The following CHD5 variants were observed in gnomAD, a reference collection of about 807,000 sequenced individuals.
The protein encoded by CHD5 is ATP-dependent chromatin remodeler CHD5.
CHD5 carries 69 observed loss-of-function variants against 230.3 expected under a neutral mutation model. That is an observed-to-expected ratio of 0.30 (90% CI 0.25 to 0.37). The LOEUF is 0.37. CHD5 is among the 10% of genes least tolerant of loss of function. CHD5 has a pLI of 1.00. For missense variants in CHD5, 1,827 were observed against 2,622.8 expected, an observed-to-expected ratio of 0.70 and a Z score of 6.63; for synonymous variants, 1,064 against 1,065.9, an observed-to-expected ratio of 1.00 and a Z score of 0.03.
At position 6,121,601 on chromosome 1, in the gene CHD5, C is replaced by T. The variant is rs770080174; in HGVS notation, c.4700-28G>A. On this transcript the variant is annotated intron_variant, in intron 31 of 41. Transcript: ENST00000262450. The surrounding 1 kb of genome is among the most constrained non-coding windows in gnomAD (Gnocchi z 4.5). ...GAAAGATCAAGGGAAAGAGCTGAGACAGGTGGGCTCAGACGGGAAGGAGTA... is the reference window on the plus strand; with the variant it reads ...GAAAGATCAAGGGAAAGAGCTGAGATAGGTGGGCTCAGACGGGAAGGAGTA... 6.4e-7 allele frequency: 1 copy of T among 1,568,030 alleles called. No individual in the cohort carries two copies. The highest frequency in any genetic ancestry group is 1.7e-5 in the Admixed American group (1 of 58,436).
chr1:6,162,912 C>A (rs1304174000), intron 2 of CHD5, among the ~76,000 whole-genome samples: 1 of 152,156 alleles, frequency 6.6e-6, no homozygotes, highest in African/African-American at 2.4e-5. Flanking sequence ...GGCAAGCAGT[C>A]CCCTCGGCGA....
intron 15 of CHD5, among the ~76,000 whole-genome samples, chr1:6,139,987 C>T (rs72632524): frequency 0.068 from 10,362 of 152,208 alleles, 491 homozygotes; most frequent in South Asian, 0.14. Flanking sequence ...TGGAGGAGGC[C>T]GACCTGAGGG....
intron 30 of CHD5, 126 bp downstream of exon 30, chr1:6,124,391 A>C (rs1285409717): frequency 7.1e-6 from 8 of 1,124,300 alleles, no homozygotes; most frequent in Non-Finnish European, 1.1e-5. Context: ...CTCTGGAGTG[A>C]CTCGGACCCT....
chr1:6,172,698 C>T (rs1037070510), intron 1 of CHD5, among the ~76,000 whole-genome samples: 4 of 152,140 alleles, frequency 2.6e-5, no homozygotes, highest in Admixed American at 2.6e-4. Context: ...TCGGTGGATG[C>T]CCTGGGGACA....
rs3810992 is a variant in CHD5, at chr1:6,102,541, T to C, written c.*2933A>G. 0.084 allele frequency: 12,747 copies of C among 152,346 alleles called. 801 individuals are homozygous for C. The highest frequency in any genetic ancestry group is 0.26 in the East Asian group (1,351 of 5,152). 9.4% of individuals were successfully genotyped at this position (152,346 alleles called of 1,614,324 possible). A position where few individuals can be genotyped will look rare whatever the true frequency, so the allele number is the denominator to read the frequency against. ...AGTGACCGACACTTGACCAAGTCCA[T>C]CTGGCTTCTGGCTCCCATGTACCCG... On this transcript the variant is annotated 3_prime_UTR_variant, in exon 42 of 42. Transcript: ENST00000262450.
chr1:6,142,404 G>A lies in CHD5; in HGVS notation c.2235+10C>T, dbSNP rs200896752. ...GCCACCCCTCCTGGCCGCCTGCCCCGCCTGCCCACCTCCTTGTAGAGGGAG... is the reference window on the plus strand; with the variant it reads ...GCCACCCCTCCTGGCCGCCTGCCCCACCTGCCCACCTCCTTGTAGAGGGAG... On this transcript the variant is annotated intron_variant, in intron 14 of 41. Coordinates refer to ENST00000262450, the MANE Select transcript of CHD5 (RefSeq NM_015557.3). This position sits in a 1 kb window ranked among gnomAD's most constrained non-coding sequence, Gnocchi z 5.2. 2.1e-4 allele frequency: 336 copies of A among 1,600,432 alleles called. No individual in the cohort carries two copies. The highest frequency in any genetic ancestry group is 3.6e-4 in the East Asian group (16 of 44,528).
chr1:6,148,694 T>C (rs12129474), intron 9 of CHD5, among the ~76,000 whole-genome samples, 160 bp downstream of exon 9: 55,307 of 151,616 alleles, frequency 0.36, 11,001 homozygotes, highest in East Asian at 0.67. Flanking sequence ...GTGGACGGGG[T>C]CTCGAGCAGC....
intron 33 of CHD5, among the ~76,000 whole-genome samples, chr1:6,115,050 C>T (rs941478322): frequency 5.3e-4 from 81 of 151,582 alleles, no homozygotes; most frequent in African/African-American, 1.3e-3. Flanking sequence ...CGGTGGCTCA[C>T]GCCTGTAATC....
chr1:6,128,983 G>A lies in CHD5; in HGVS notation c.3474C>T (p.Ile1158=). ...TCATCTTGCGCTTGGCCACCTGCGT[G>A]ATGCGCTCCTCCACCGAGGCCCGAG... ...FVTRASVEER[I]TQVAKRKMML... Residue 1158 remains isoleucine (I), a synonymous_variant, in exon 23 of 42, where the codon ATC becomes ATT. Coordinates refer to ENST00000262450, the MANE Select transcript of CHD5 (RefSeq NM_015557.3). This position sits in a 1 kb window ranked among gnomAD's most constrained non-coding sequence, Gnocchi z 7.8. The A allele has an allele frequency of 6.2e-7, 1 of 1,612,444 alleles. No homozygotes were observed. The highest frequency in any genetic ancestry group is 1.1e-5 in the South Asian group (1 of 91,076).
At position 6,155,596 on chromosome 1, in the gene CHD5, C is replaced by T. The variant is rs1667068332; in HGVS notation, c.506+3G>A. 1.9e-6 allele frequency: 3 copies of T among 1,611,542 alleles called. No individual in the cohort carries two copies. The South Asian group carries it at 3.3e-5, about 18-fold the overall frequency. ...TGGAGAACAGCCCTAGTGCCCCGCC[C>T]ACCTGAGGAACTGGCTGAAGGCCTT... On this transcript the variant is annotated splice_donor_region_variant and intron_variant, in intron 4 of 41. Transcript: ENST00000262450. This position sits in a 1 kb window ranked among gnomAD's most constrained non-coding sequence, Gnocchi z 4.0.
intron 2 of CHD5, among the ~76,000 whole-genome samples, chr1:6,162,784 C>T (rs1417350652): frequency 6.6e-6 from 1 of 152,234 alleles, no homozygotes; most frequent in Non-Finnish European, 1.5e-5. Context: ...GATTGGGCTC[C>T]AGCCAACTGC....
chr1:6,125,710 T>C lies in CHD5; in HGVS notation c.4171+56A>G. The C allele has an allele frequency of 1.3e-6, 2 of 1,590,322 alleles. No homozygotes were observed. The highest frequency in any genetic ancestry group is 2.2e-5 in the South Asian group (2 of 90,570). ...CAGACCAGCCCCGCTCCTGCTGCCA[T>C]CAGCTCCCCTGACATGGCCTCAGCA... On this transcript the variant is annotated intron_variant, in intron 27 of 41. Transcript: ENST00000262450. This position sits in a 1 kb window ranked among gnomAD's most constrained non-coding sequence, Gnocchi z 6.7.
At chr1:6,174,774 G>C (rs1667395429) in intron 1 of CHD5, among the ~76,000 whole-genome samples, 1 of 151,852 alleles carries the variant, frequency 6.6e-6, no homozygotes, top group Admixed American at 6.5e-5. Context: ...TGAATTGATG[G>C]ATAGATGGTG....
chr1:6,109,727 AG>A (rs1666254922), intron 38 of CHD5, 67 bp downstream of exon 38: 1 of 1,393,482 alleles, frequency 7.2e-7, no homozygotes, highest in Non-Finnish European at 1.0e-6. Context: ...CCTCATCTAC[AG>A]CCAAGAGCGC....
Position 6,146,535 on chromosome 1 carries a change from GC to G in CHD5, c.1591-113del, listed in dbSNP as rs527550727. On this transcript the variant is annotated intron_variant, in intron 10 of 41. Transcript: ENST00000262450. This position sits in a 1 kb window ranked among gnomAD's most constrained non-coding sequence, Gnocchi z 5.1. ...AGGTCCCAGGCAGGACAATCCTCCC[GC>G]TCAGCACCACCCCAACTCCCAACAG... 2.1e-4 allele frequency: 295 copies of G among 1,387,178 alleles called. No individual in the cohort carries two copies. The African/African-American group carries it at 3.3e-3, about 16-fold the overall frequency. 85.9% of individuals were successfully genotyped at this position (1,387,178 alleles called of 1,614,324 possible). A position where few individuals can be genotyped will look rare whatever the true frequency, so the allele number is the denominator to read the frequency against.
chr1:6,139,816 C>G (rs1205925997), intron 15 of CHD5, among the ~76,000 whole-genome samples: 1 of 152,198 alleles, frequency 6.6e-6, no homozygotes. Context: ...CAGCAAAGTG[C>G]TTGGCACACG....
rs771717355 is a variant in CHD5, at chr1:6,149,421, G to T, written c.995-9C>A. The T allele has an allele frequency of 6.9e-6, 11 of 1,597,426 alleles. No homozygotes were observed. In the Admixed American group the frequency reaches 1.9e-4, roughly 27 times the overall value. On this transcript the variant is annotated splice_polypyrimidine_tract_variant and intron_variant, in intron 7 of 41. Transcript: ENST00000262450. ...GCCGTCACCATCATCAACTAGGGTA[G>T]GGGAGAGGCAGTCATGGAAGTCCTC...
intron 15 of CHD5, among the ~76,000 whole-genome samples, chr1:6,141,169 G>A (rs113602900): frequency 3.8e-4 from 57 of 150,954 alleles, no homozygotes; most frequent in African/African-American, 1.3e-3. Context: ...CTGTAATCCC[G>A]GCGACTCTGG....
rs1394464797 is a variant in CHD5, at chr1:6,142,170, C to T, written c.2394G>A (p.Glu798=). 1 of 1,614,146 alleles carries T rather than the reference C, an allele frequency of 6.2e-7. No homozygotes were observed. The change falls in exon 15 of 42, where the codon GAG becomes GAA. Residue 798 remains glutamate, a synonymous_variant. Coordinates refer to ENST00000262450, the MANE Select transcript of CHD5 (RefSeq NM_015557.3). The surrounding 1 kb of genome is among the most constrained non-coding windows in gnomAD (Gnocchi z 5.2). ...TCTTCCCACTCCGAATGGCGTTGTC[C>T]TCAAAGGAAAACTCGTTCTCCCGAA... The part of the protein sequence containing the change: ...SVIRENEFSF[E]DNAIRSGKKV...
Sources: allele counts gnomAD v4.1 joint callset (sites outside exome capture counted in the v4.1 genomes callset), GRCh38; gene constraint gnomAD v4.1.1; non-coding constraint Gnocchi (gnomAD v3.1); transcripts MANE v1.5; gene names NCBI Gene and HGNC (gene_info 2026-07-23, HGNC 2026-07-21).